Variants in RAB3D observed in about 807,000 individuals in gnomAD.
RAB3D encodes ras-related protein Rab-3D.
RAB3D carries 17 observed loss-of-function variants against 19.3 expected under a neutral mutation model. The observed-to-expected ratio is 0.88, with a 90% CI of 0.60 to 1.32. The LOEUF is 1.32. RAB3D is among the 40% of genes most tolerant of loss of function. The probability of loss-of-function intolerance (pLI) is 0.00; values close to 1 mark genes in which losing one functional copy is unlikely to be tolerated. For synonymous variants in RAB3D, 103 were observed against 119.9 expected (o/e 0.86, Z 0.92); for missense variants, 223 against 299.1 (o/e 0.75, Z 1.88).
In RAB3D at chr19:11,336,062, C is replaced by T. The variant is rs1966893172; in HGVS notation, c.229-279G>A. Reference sequence around the variant, plus strand: ...GTTCCAAGTCTCAGGGGTCAGTGGCCTCTCACAGACTTATGAGCCCCTTTG... The same window carrying T: ...GTTCCAAGTCTCAGGGGTCAGTGGCTTCTCACAGACTTATGAGCCCCTTTG... On this transcript the variant is annotated intron_variant, in intron 2 of 4. Coordinates refer to ENST00000222120, the MANE Select transcript of RAB3D (RefSeq NM_004283.4). Among the ~76,000 whole-genome samples, 2 of 152,144 alleles carry T rather than the reference C, an allele frequency of 1.3e-5. 1 individual carries two copies. The highest frequency in any genetic ancestry group is 4.1e-4 in the South Asian group (2 of 4,830).
Position 11,335,862 on chromosome 19 carries a change from T to G in RAB3D, c.229-79A>C, listed in dbSNP as rs2080851314. 5 of 1,305,744 alleles carry G rather than the reference T, an allele frequency of 3.8e-6. No individual in the cohort carries two copies. In the South Asian group the frequency reaches 5.9e-5, roughly 16 times the overall value. 80.9% of individuals were successfully genotyped at this position (1,305,744 alleles called of 1,614,324 possible). On this transcript the variant is annotated intron_variant, in intron 2 of 4. Coordinates refer to ENST00000222120, the MANE Select transcript of RAB3D (RefSeq NM_004283.4). ...CCTGTCTTAGAGGGGCACTGCCCTGTACTCATAGCCCCAGCCTTACGGGGG... is the reference window on the plus strand; with the variant it reads ...CCTGTCTTAGAGGGGCACTGCCCTGGACTCATAGCCCCAGCCTTACGGGGG...
intron 4 of RAB3D, among the ~76,000 whole-genome samples, chr19:11,331,501 G>A (rs1259648972): frequency 6.7e-6 from 1 of 150,138 alleles, no homozygotes; most frequent in Non-Finnish European, 1.5e-5. Flanking sequence ...GAGCCCAGGA[G>A]TTCAAGACCA....
chr19:11,325,611 C>T, intron 4 of RAB3D, 26 bp from the exon 5 acceptor site: 1 of 1,464,968 alleles, frequency 6.8e-7, no homozygotes, highest in Non-Finnish European at 9.0e-7. Flanking sequence ...GGTGGGGACA[C>T]TCGTAAGACC....
At chr19:11,332,732 C>G (rs974728526) in intron 4 of RAB3D, among the ~76,000 whole-genome samples, 5 of 152,108 alleles carry the variant, frequency 3.3e-5, no homozygotes, top group Non-Finnish European at 5.9e-5. Context: ...CCTCCTAATT[C>G]AGTCTCCAGA....
chr19:11,325,994 G>A (rs900619566), intron 4 of RAB3D, among the ~76,000 whole-genome samples: 2 of 152,138 alleles, frequency 1.3e-5, no homozygotes, highest in Admixed American at 1.3e-4. Context: ...GCCGAGGCGG[G>A]AGGATCATTT....
intron 4 of RAB3D, among the ~76,000 whole-genome samples, chr19:11,334,971 C>T (rs866715282): frequency 2.3e-4 from 35 of 152,062 alleles, no homozygotes; most frequent in African/African-American, 7.7e-4. Context: ...GAGCCGAGAT[C>T]GCGCCACTGC....
intron 2 of RAB3D, 65 bp downstream of exon 2, chr19:11,337,105 AAG>A: frequency 7.3e-7 from 1 of 1,375,552 alleles, no homozygotes; most frequent in South Asian, 1.2e-5. Context: ...AAAAAAAAAA[AAG>A]AACCCTCCAA....
chr19:11,339,182 T>C (rs1261208874), intron 1 of RAB3D, among the ~76,000 whole-genome samples: 1 of 152,130 alleles, frequency 6.6e-6, no homozygotes, highest in African/African-American at 2.4e-5. Flanking sequence ...CCCGCCTCTT[T>C]CTAACCATCT....
intron 4 of RAB3D, among the ~76,000 whole-genome samples, chr19:11,329,423 C>G (rs2080828075): frequency 6.6e-6 from 1 of 151,468 alleles, no homozygotes; most frequent in Non-Finnish European, 1.5e-5. Context: ...GCCTGACCAA[C>G]ATGGTGAAAC....
intron 4 of RAB3D, among the ~76,000 whole-genome samples, chr19:11,331,790 G>C (rs1027839413): frequency 1.3e-5 from 2 of 151,520 alleles, no homozygotes; most frequent in African/African-American, 4.8e-5. Flanking sequence ...CAGCCTGGGT[G>C]AAAGAGTGAG....
chr19:11,332,834 CA>C (rs2080839819), intron 4 of RAB3D, among the ~76,000 whole-genome samples: 1 of 151,496 alleles, frequency 6.6e-6, no homozygotes, highest in Non-Finnish European at 1.5e-5. Context: ...CAACCAGGTG[CA>C]GTGACTCCAT....
At chr19:11,334,200 C>T (rs567286482) in intron 4 of RAB3D, among the ~76,000 whole-genome samples, 3 of 151,920 alleles carry the variant, frequency 2.0e-5, no homozygotes, top group Non-Finnish European at 4.4e-5. Context: ...CAGCCAGGCA[C>T]GGTGGCTCAC....
intron 1 of RAB3D, among the ~76,000 whole-genome samples, chr19:11,338,740 C>T (rs1025642322): frequency 1.3e-5 from 2 of 152,218 alleles, no homozygotes; most frequent in Admixed American, 1.3e-4. Flanking sequence ...CACAACCCCA[C>T]CACCACGACC....
chr19:11,326,038 T>A (rs1258137549), intron 4 of RAB3D, among the ~76,000 whole-genome samples: 3 of 152,048 alleles, frequency 2.0e-5, no homozygotes, highest in African/African-American at 7.2e-5. Context: ...CTGACCAACA[T>A]GGTGAAACCC....
At chr19:11,330,824 A>G (rs558625562) in intron 4 of RAB3D, among the ~76,000 whole-genome samples, 1 of 152,134 alleles carries the variant, frequency 6.6e-6, no homozygotes, top group South Asian at 2.1e-4. Context: ...TGCTGGGATT[A>G]CAGGCATGAG....
intron 4 of RAB3D, among the ~76,000 whole-genome samples, chr19:11,331,561 A>C (rs2080835715): frequency 6.6e-6 from 1 of 151,994 alleles, no homozygotes; most frequent in African/African-American, 2.4e-5. Context: ...AAAAATAAAA[A>C]ATTAGCCAGT....
chr19:11,332,385 C>T (rs2080838416), intron 4 of RAB3D, among the ~76,000 whole-genome samples: 1 of 152,030 alleles, frequency 6.6e-6, no homozygotes, highest in South Asian at 2.1e-4. Context: ...CACTCTGTCA[C>T]CCAGGCTGGC....
At chr19:11,330,214 C>T (rs1005452254) in intron 4 of RAB3D, among the ~76,000 whole-genome samples, 1 of 152,194 alleles carries the variant, frequency 6.6e-6, no homozygotes, top group African/African-American at 2.4e-5. Flanking sequence ...GGGAAAGGGA[C>T]TGGTTATGGC....
At chr19:11,336,355 A>C (rs178418) in intron 2 of RAB3D, among the ~76,000 whole-genome samples, 58,189 of 151,636 alleles carry the variant, frequency 0.38, 11,296 homozygotes, top group Non-Finnish European at 0.43. Flanking sequence ...GTCACCCATG[A>C]TGGAATGCAG....
Sources: gnomAD v4.1 joint callset for allele counts (sites outside exome capture counted in the v4.1 genomes callset) on GRCh38, gnomAD v4.1.1 for gene constraint, MANE v1.5 for transcripts, NCBI Gene and HGNC (gene_info 2026-07-23, HGNC 2026-07-21) for gene names.